Variants in SCN10A observed in about 807,000 individuals in gnomAD.
SCN10A encodes sodium voltage-gated channel alpha subunit 10.
A neutral mutation model predicts 170.7 loss-of-function variants in SCN10A; 162 were observed. The observed-to-expected ratio is 0.95, with a 90% CI of 0.84 to 1.08. The LOEUF (loss-of-function observed/expected upper bound fraction) is 1.08, where lower values mean the gene tolerates loss of function less well. Ranked by LOEUF, SCN10A falls within the 50% of genes least tolerant of loss-of-function variation. The probability of loss-of-function intolerance (pLI) is 0.00; values close to 1 mark genes in which losing one functional copy is unlikely to be tolerated. For missense variants in SCN10A, 2,527 were observed against 2,436.9 expected, an observed-to-expected ratio of 1.04 and a Z score of -0.78; for synonymous variants, 985 against 904.6, an observed-to-expected ratio of 1.09 and a Z score of -1.59.
intron 26 of SCN10A, among the ~76,000 whole-genome samples, chr3:38,706,791 G>GGCCACTTGACCACTACCAT (rs1242910810): frequency 6.6e-6 from 1 of 152,072 alleles, no homozygotes; most frequent in Non-Finnish European, 1.5e-5. Context: ...GTTCCTACTG[G>GGCCACTTGACCACTACCAT]GCCACTTGAC....
chr3:38,802,883 T>A lies in SCN10A; in HGVS notation c.-32-8841A>T, dbSNP rs554436233. ...AGGCAACCTACAGAATGGGAGAAAA[T>A]TTTTGCAATCTACTCATCTGATAAA... On this transcript the variant is annotated intron_variant, in intron 1 of 27. Coordinates refer to ENST00000449082, the MANE Select transcript of SCN10A (RefSeq NM_006514.4). Among the ~76,000 whole-genome samples, 9 of 151,850 alleles carry A rather than the reference T, an allele frequency of 5.9e-5. No individual in the cohort carries two copies. In the East Asian group the frequency reaches 1.7e-3, roughly 29 times the overall value.
chr3:38,804,723 A>C (rs2064394919), intron 1 of SCN10A, among the ~76,000 whole-genome samples: 1 of 152,132 alleles, frequency 6.6e-6, no homozygotes, highest in Non-Finnish European at 1.5e-5. Flanking sequence ...GTTACTGAAA[A>C]GACAAGTGTC....
rs1283558641 is a variant in SCN10A at position 38,723,562 on chromosome 3, G to T, written c.3229-9C>A. The T allele has an allele frequency of 6.3e-7, 1 of 1,577,752 alleles. No homozygotes were observed. On this transcript the variant is annotated splice_polypyrimidine_tract_variant and intron_variant, in intron 18 of 27. Transcript: ENST00000449082. ...CTTGTGTCGTCCACTCCCTGCAGGGGAGAAGCCCAGGGCAGTGAACTCGTC... is the reference window on the plus strand; with the variant it reads ...CTTGTGTCGTCCACTCCCTGCAGGGTAGAAGCCCAGGGCAGTGAACTCGTC...
chr3:38,791,668 A>G (rs1339337157), intron 3 of SCN10A, among the ~76,000 whole-genome samples: 2 of 152,130 alleles, frequency 1.3e-5, no homozygotes, highest in Non-Finnish European at 2.9e-5. Flanking sequence ...CTGCCCAAAG[A>G]AGGCTTGGGC....
In SCN10A at chr3:38,752,406, T is replaced by A; in HGVS notation, c.1568A>T (p.Asp523Val). 6.2e-7 allele frequency: 1 copy of A among 1,613,862 alleles called. No individual in the cohort carries two copies. Among genetic ancestry groups the A allele is most frequent in the Non-Finnish European group, 8.5e-7 (1 of 1,179,922 alleles). Residue 523 changes from aspartate to valine, a missense_variant, in exon 12 of 28, where the codon GAT becomes GTT. Coordinates refer to ENST00000449082, the MANE Select transcript of SCN10A (RefSeq NM_006514.4). ...TTCGTGGTCTCCAGGAAAGACTCCA[T>A]CATCTGTGACTCCCTCAGGGAGTGA... The part of the protein sequence containing the change: ...DISLPEGVTD[D>V]GVFPGDHESH...
intron 3 of SCN10A, among the ~76,000 whole-genome samples, chr3:38,790,947 G>GA (rs1334981738): frequency 6.6e-6 from 1 of 152,110 alleles, no homozygotes; most frequent in Non-Finnish European, 1.5e-5. Context: ...CAGCCAGAAA[G>GA]AAAAAAATGT....
intron 15 of SCN10A, among the ~76,000 whole-genome samples, chr3:38,735,127 G>A (rs540145101): frequency 7.2e-5 from 10 of 139,524 alleles, no homozygotes; most frequent in African/African-American, 1.1e-4. Flanking sequence ...CCGAGATCAC[G>A]CCACTGCACT....
chr3:38,747,978 A>C (rs1233037770), intron 13 of SCN10A, among the ~76,000 whole-genome samples: 2 of 152,182 alleles, frequency 1.3e-5, no homozygotes, highest in Non-Finnish European at 2.9e-5. Flanking sequence ...AGCTTATATC[A>C]GTTCACCACT....
Position 38,700,841 on chromosome 3 carries a change from A to C in SCN10A, c.4657+998T>G, listed in dbSNP as rs547245439. ...AAAGTAAGCAGGTCAGGATATAACC[A>C]ATCAAGATACATTTATAATGCCAGG... is the stretch of plus-strand genomic sequence containing the variant. On this transcript the variant is annotated intron_variant, in intron 27 of 27. Transcript: ENST00000449082. Among the ~76,000 whole-genome samples the C allele has an allele frequency of 3.9e-5, 6 of 152,318 alleles. No individual in the cohort carries two copies. In the East Asian group the frequency reaches 1.2e-3, roughly 29 times the overall value.
chr3:38,791,774 T>C (rs984733481), intron 3 of SCN10A, among the ~76,000 whole-genome samples: 1 of 152,180 alleles, frequency 6.6e-6, no homozygotes, highest in East Asian at 1.9e-4. Flanking sequence ...ATAAAGAGGA[T>C]GTTTTTCAAG....
At chr3:38,813,480 T>G (rs1047581380) in intron 1 of SCN10A, among the ~76,000 whole-genome samples, 1 of 152,236 alleles carries the variant, frequency 6.6e-6, no homozygotes. Flanking sequence ...TAGGCTAACC[T>G]TTTTGTGCAT....
At chr3:38,743,346 A>C (rs1575988908) in intron 13 of SCN10A, among the ~76,000 whole-genome samples, 1 of 152,278 alleles carries the variant, frequency 6.6e-6, no homozygotes, top group South Asian at 2.1e-4. Context: ...CAAGGCCTGC[A>C]TCATCCAGAC....
intron 27 of SCN10A, among the ~76,000 whole-genome samples, chr3:38,700,307 C>T (rs2063143349): frequency 6.6e-6 from 1 of 152,162 alleles, no homozygotes; most frequent in Admixed American, 6.5e-5. Flanking sequence ...TGGGGAGGTA[C>T]TTGTCAAAGT....
chr3:38,786,804 C>T (rs968741912), intron 4 of SCN10A, among the ~76,000 whole-genome samples: 7 of 152,034 alleles, frequency 4.6e-5, no homozygotes, highest in Admixed American at 1.3e-4. Context: ...TCTGGGGTGC[C>T]ACCTTTTCAC....
Position 38,739,566 on chromosome 3 carries a change from C to T in SCN10A, c.2229G>A (p.Glu743=), listed in dbSNP as rs1223455642. The T allele has an allele frequency of 1.2e-6, 2 of 1,614,214 alleles. No individual in the cohort carries two copies. The highest frequency in any genetic ancestry group is 2.2e-5 in the East Asian group (1 of 44,886). The stretch of plus-strand genomic sequence containing the variant: ...GGCTTCCCTTCTTGGCCACGCCCAG[C>T]TCTAGCAGACTCACAGTGACGATGA... ...DCIIVTVSLL[E]LGVAKKGSLS... The change falls in exon 15 of 28, where the codon GAG becomes GAA. Residue 743 remains glutamate, a synonymous_variant. Transcript: ENST00000449082.
intron 20 of SCN10A, among the ~76,000 whole-genome samples, chr3:38,720,476 C>T (rs1478529871): frequency 6.6e-6 from 1 of 151,968 alleles, no homozygotes; most frequent in Non-Finnish European, 1.5e-5. Context: ...TTTTTCTTTA[C>T]CTTTTTCTAT....
At chr3:38,699,534 T>C (rs2063135560) in intron 27 of SCN10A, among the ~76,000 whole-genome samples, 1 of 152,204 alleles carries the variant, frequency 6.6e-6, no homozygotes, top group Non-Finnish European at 1.5e-5. Context: ...CCCTCTCCCC[T>C]ACTTGCTCTT....
chr3:38,709,441 C>T, intron 25 of SCN10A, 37 bp downstream of exon 25: 1 of 1,581,574 alleles, frequency 6.3e-7, no homozygotes, highest in Non-Finnish European at 8.6e-7. Flanking sequence ...AGGCTTACCA[C>T]TACAGCAGAA....
At chr3:38,726,105 A>C (rs1167505862) in intron 17 of SCN10A, among the ~76,000 whole-genome samples, 1 of 152,238 alleles carries the variant, frequency 6.6e-6, no homozygotes, top group Non-Finnish European at 1.5e-5. Flanking sequence ...CAAGTATTTA[A>C]AAATATATAT....
Sources: allele counts gnomAD v4.1 joint callset (sites outside exome capture counted in the v4.1 genomes callset), GRCh38; gene constraint gnomAD v4.1.1; transcripts MANE v1.5; gene names NCBI Gene and HGNC (gene_info 2026-07-23, HGNC 2026-07-21).